Variants in MED6 observed in about 807,000 individuals in gnomAD.
MED6 encodes the protein mediator of RNA polymerase II transcription subunit 6.
MED6 carries 33 observed loss-of-function variants against 37.5 expected under a neutral mutation model. The ratio of observed to expected loss-of-function variants is 0.88; its 90% CI spans 0.67 to 1.18. MED6 has a LOEUF of 1.18. Among genes scored for constraint, MED6 ranks in the 50% most tolerant of loss-of-function variants. The probability of loss-of-function intolerance (pLI) is 0.00; values close to 1 mark genes in which losing one functional copy is unlikely to be tolerated. For missense variants in MED6, 235 were observed against 290.6 expected (o/e 0.81, Z 1.39); for synonymous variants, 94 against 93.6 (o/e 1.00, Z -0.02).
rs371998913 is a variant in MED6, at chr14:70,598,699, TGAA to T, written c.23-925_23-923del. Among the ~76,000 whole-genome samples the T allele has an allele frequency of 1.3e-3, 201 of 152,082 alleles. 2 individuals carry two copies. Among genetic ancestry groups the T allele is most frequent in the South Asian group, 7.9e-3 (38 of 4,812 alleles). On this transcript the variant is annotated intron_variant, in intron 1 of 7. Coordinates refer to ENST00000256379, the MANE Select transcript of MED6 (RefSeq NM_005466.4). ...ATCTTTAGAGAATAATTTCATTAGGTGAAGAAGTGATAAGATTTAAAATTTAGA... is the reference window on the plus strand; with the variant it reads ...ATCTTTAGAGAATAATTTCATTAGGTGAAGTGATAAGATTTAAAATTTAGA...
chr14:70,592,009 G>A (rs531689985), intron 5 of MED6, among the ~76,000 whole-genome samples: 12 of 152,322 alleles, frequency 7.9e-5, no homozygotes, highest in East Asian at 5.8e-4. Context: ...CTTGGTTATC[G>A]TAGGGGAAAA....
intron 6 of MED6, among the ~76,000 whole-genome samples, chr14:70,590,652 A>C (rs901633250): frequency 4.6e-5 from 7 of 152,230 alleles, no homozygotes; most frequent in Non-Finnish European, 1.0e-4. Flanking sequence ...CAGCATATTC[A>C]TCTATTCCAT....
In MED6 at chr14:70,584,884, CCTT is replaced by C. The variant is rs1884657844; in HGVS notation, c.667_669del (p.Lys223del). On this transcript the variant is annotated inframe_deletion, in exon 8 of 8. Transcript: ENST00000256379. ...GTCTGTTGTACATTCTTTGTGGTCT[CCTT>C]CTCCTCAGGTTTTACAGTTTCTGGT... is the stretch of plus-strand genomic sequence containing the variant. The C allele has an allele frequency of 2.5e-6, 4 of 1,614,076 alleles. No individual in the cohort carries two copies. The highest frequency in any genetic ancestry group is 3.4e-6 in the Non-Finnish European group (4 of 1,180,002).
intron 6 of MED6, 92 bp from the exon 7 acceptor site, chr14:70,585,875 T>A: frequency 3.1e-6 from 3 of 977,344 alleles, no homozygotes; most frequent in Non-Finnish European, 3.0e-6. Flanking sequence ...GATGTCATAT[T>A]AATAAAATGA....
At chr14:70,588,658 C>A (rs1566674502) in intron 6 of MED6, among the ~76,000 whole-genome samples, 1 of 150,058 alleles carries the variant, frequency 6.7e-6, no homozygotes, top group East Asian at 1.9e-4. Context: ...TGCACTCCAG[C>A]CTGGGCGACA....
intron 5 of MED6, chr14:70,591,915 G>A (rs9323542): frequency 0.23 from 34,416 of 152,538 alleles, 5,408 homozygotes; most frequent in East Asian, 0.56. Flanking sequence ...GAAGTTAATC[G>A]CATGTGGGAT....
intron 1 of MED6, 83 bp from the exon 2 acceptor site, chr14:70,597,860 TAG>T: frequency 4.5e-6 from 5 of 1,115,930 alleles, no homozygotes; most frequent in Non-Finnish European, 4.9e-6. Flanking sequence ...ACATCAAATG[TAG>T]TAGGCACTAT....
chr14:70,590,224 T>C (rs1884828633), intron 6 of MED6, among the ~76,000 whole-genome samples: 1 of 152,192 alleles, frequency 6.6e-6, no homozygotes, highest in Admixed American at 6.5e-5. Context: ...CTACCTAGCA[T>C]ACACTATGTA....
At chr14:70,590,557 C>T (rs1477006238) in intron 6 of MED6, among the ~76,000 whole-genome samples, 3 of 152,114 alleles carry the variant, frequency 2.0e-5, no homozygotes, top group African/African-American at 7.2e-5. Context: ...TTGAAAATCC[C>T]TTAAAGAGCT....
At position 70,586,503 on chromosome 14, in the gene MED6, C is replaced by T. The variant is rs555453706; in HGVS notation, c.583-720G>A. 2.6e-5 allele frequency among the ~76,000 whole-genome samples: 4 copies of T among 152,292 alleles called. No homozygotes were observed. In the South Asian group the frequency reaches 8.3e-4, roughly 32 times the overall value. On this transcript the variant is annotated intron_variant, in intron 6 of 7. Transcript: ENST00000256379. ...AACAACAAAACCAGGATGCCAACAC[C>T]ACCAACTTCCTTACCATCTACCTTC... is the stretch of plus-strand genomic sequence containing the variant.
At chr14:70,594,823 C>A in intron 3 of MED6, 1 of 638,006 alleles carries the variant, frequency 1.6e-6, no homozygotes, top group Non-Finnish European at 2.9e-6. Flanking sequence ...TACCCTGGTT[C>A]AATGCCTGAC....
In MED6 at chr14:70,591,350, T is replaced by C; in HGVS notation, c.498A>G (p.Glu166=). The change falls in exon 6 of 8, where the codon GAA becomes GAG. Residue 166 remains glutamate, a synonymous_variant. Transcript: ENST00000256379. ...DKVRPKAKRK[E]EPSSIFQRQR... is the part of the protein sequence containing the mutation. ...GTCTCTGAAAAATAGAGCTTGGTTC[T>C]TCTTTCCTTTTGGCTTTAGGTCTGA... The C allele has an allele frequency of 6.2e-7, 1 of 1,606,358 alleles. No homozygotes were observed. The highest frequency in any genetic ancestry group is 2.2e-5 in the East Asian group (1 of 44,684).
At chr14:70,587,118 TG>T (rs1884732491) in intron 6 of MED6, among the ~76,000 whole-genome samples, 1 of 152,218 alleles carries the variant, frequency 6.6e-6, no homozygotes, top group Non-Finnish European at 1.5e-5. Flanking sequence ...AGGTCTCTAA[TG>T]GATCTCCCTG....
chr14:70,590,392 C>G lies in MED6; in HGVS notation c.582+874G>C, dbSNP rs190335100. Among the ~76,000 whole-genome samples, 666 of 152,312 alleles carry G rather than the reference C, an allele frequency of 4.4e-3. 5 individuals carry two copies. The highest frequency in any genetic ancestry group is 0.015 in the African/African-American group (642 of 41,568). ...GATTCCTCTAAACTGGCTTTCCTGT[C>G]CTGAGTTCCATCTTGTGTCCTCTGC... On this transcript the variant is annotated intron_variant, in intron 6 of 7. Transcript: ENST00000256379.
chr14:70,594,659 A>T, intron 3 of MED6: 1 of 447,542 alleles, frequency 2.2e-6, no homozygotes, highest in Non-Finnish European at 4.3e-6. Context: ...GCGTCTATAC[A>T]GGCACCGGAG....
intron 4 of MED6, 95 bp from the exon 5 acceptor site, chr14:70,593,083 C>A (rs1884932862): frequency 2.0e-6 from 3 of 1,529,724 alleles, no homozygotes; most frequent in Middle Eastern, 1.7e-4. Context: ...AAAGACAGAA[C>A]CTATTTTTCA....
chr14:70,584,630 C>T lies in MED6; in HGVS notation c.*183G>A. 4 of 654,722 alleles carry T rather than the reference C, an allele frequency of 6.1e-6. No homozygotes were observed. The South Asian group carries it at 7.2e-5, about 12-fold the overall frequency. 40.6% of individuals were successfully genotyped at this position (654,722 alleles called of 1,614,324 possible). On this transcript the variant is annotated 3_prime_UTR_variant, in exon 8 of 8. Coordinates refer to ENST00000256379, the MANE Select transcript of MED6 (RefSeq NM_005466.4). ...ACCTCAAGTGATCCACCCGCCATGG[C>T]CTCCCAAAGTGCTGGGATTACAGGC...
chr14:70,594,795 C>A, intron 3 of MED6: 1 of 589,748 alleles, frequency 1.7e-6, no homozygotes, highest in Admixed American at 2.3e-5. Context: ...GAGGAGGAGA[C>A]CATGCAAAGC....
intron 3 of MED6, chr14:70,595,021 G>A (rs780353082): frequency 4.6e-5 from 26 of 571,094 alleles, no homozygotes; most frequent in Non-Finnish European, 8.4e-5. Flanking sequence ...TCTGCAGATC[G>A]ACAATGCCCA....
Sources: gnomAD v4.1 joint callset for allele counts (sites outside exome capture counted in the v4.1 genomes callset) on GRCh38, gnomAD v4.1.1 for gene constraint, MANE v1.5 for transcripts, NCBI Gene and HGNC (gene_info 2026-07-23, HGNC 2026-07-21) for gene names.